PDE4B: variants seen among roughly 807,000 people sequenced by gnomAD.
The protein encoded by PDE4B is 3',5'-cyclic-AMP phosphodiesterase 4B.
PDE4B carries 20 observed loss-of-function variants against 82.2 expected under a neutral mutation model. The ratio of observed to expected loss-of-function variants is 0.24; its 90% CI spans 0.17 to 0.35. PDE4B has a LOEUF of 0.35. PDE4B is among the 10% of genes least tolerant of loss of function. The probability of loss-of-function intolerance (pLI) is 1.00; values close to 1 mark genes in which losing one functional copy is unlikely to be tolerated. For missense variants in PDE4B, 655 were observed against 907.2 expected (o/e 0.72, Z 3.57); for synonymous variants, 320 against 318.9 (o/e 1.00, Z -0.04).
intron 3 of PDE4B, among the ~76,000 whole-genome samples, chr1:66,190,564 C>A (rs961870577): frequency 7.2e-5 from 11 of 152,194 alleles, no homozygotes; most frequent in Non-Finnish European, 1.0e-4. Context: ...TCGCTGCCTG[C>A]AACCTTGCAG....
chr1:66,371,033 TCATA>T (rs1406628133), intron 16 of PDE4B, among the ~76,000 whole-genome samples: 1 of 140,062 alleles, frequency 7.1e-6, no homozygotes. Context: ...TATATATATA[TCATA>T]CATATATATA....
chr1:66,196,492 T>C (rs1648306845), intron 3 of PDE4B, among the ~76,000 whole-genome samples: 1 of 152,212 alleles, frequency 6.6e-6, no homozygotes, highest in Non-Finnish European at 1.5e-5. Context: ...AGCACATCTC[T>C]GTAGAGAAAA....
chr1:65,822,064 C>T (rs1394974735), intron 1 of PDE4B, among the ~76,000 whole-genome samples: 1 of 152,112 alleles, frequency 6.6e-6, no homozygotes, highest in African/African-American at 2.4e-5. Flanking sequence ...ATTTATTTTT[C>T]CCTTAGATTT....
chr1:66,189,204 C>G (rs1647495788), intron 3 of PDE4B, among the ~76,000 whole-genome samples: 1 of 152,092 alleles, frequency 6.6e-6, no homozygotes, highest in Admixed American at 6.6e-5. Context: ...AAGAGATCAG[C>G]TGTTAGTCTG....
At chr1:66,076,636 G>T (rs1014486929) in intron 3 of PDE4B, among the ~76,000 whole-genome samples, 1 of 152,164 alleles carries the variant, frequency 6.6e-6, no homozygotes, top group Non-Finnish European at 1.5e-5. Context: ...CACCATCTGT[G>T]TATGAGTTCC....
At chr1:66,125,559 A>C (rs1645805849) in intron 3 of PDE4B, among the ~76,000 whole-genome samples, 1 of 152,172 alleles carries the variant, frequency 6.6e-6, no homozygotes, top group Non-Finnish European at 1.5e-5. Context: ...TTTATTTAGA[A>C]ATTTGGTGAT....
chr1:66,004,254 AT>A (rs1652026778), intron 3 of PDE4B, among the ~76,000 whole-genome samples: 1 of 152,152 alleles, frequency 6.6e-6, no homozygotes, highest in Non-Finnish European at 1.5e-5. Context: ...TTTGTGTAAA[AT>A]TTATATAATA....
At chr1:65,871,800 A>C (rs552018360) in intron 1 of PDE4B, among the ~76,000 whole-genome samples, 1 of 152,330 alleles carries the variant, frequency 6.6e-6, no homozygotes, top group Admixed American at 6.5e-5. Context: ...AAATCATGTA[A>C]TAATGCTTGC....
At chr1:65,955,967 G>A (rs753552076) in intron 3 of PDE4B, among the ~76,000 whole-genome samples, 46 of 152,112 alleles carry the variant, frequency 3.0e-4, no homozygotes, top group Non-Finnish European at 5.0e-4. Context: ...AGCATATTAA[G>A]CAATAAGTAT....
chr1:65,840,075 G>C (rs964116408), intron 1 of PDE4B, among the ~76,000 whole-genome samples: 4 of 152,088 alleles, frequency 2.6e-5, no homozygotes, highest in African/African-American at 9.7e-5. Context: ...ACCACATGAG[G>C]ATAAAAAAGA....
intron 7 of PDE4B, among the ~76,000 whole-genome samples, chr1:66,303,161 A>G (rs1658021938): frequency 6.6e-6 from 1 of 152,148 alleles, no homozygotes; most frequent in Non-Finnish European, 1.5e-5. Context: ...CCCTGGATAA[A>G]CATTTCTTGA....
At chr1:66,069,274 G>A (rs557845597) in intron 3 of PDE4B, among the ~76,000 whole-genome samples, 2 of 151,992 alleles carry the variant, frequency 1.3e-5, no homozygotes, top group South Asian at 4.2e-4. Context: ...GTCTTTCTCT[G>A]AGCATCCTCT....
chr1:66,296,751 A>G (rs938708311), intron 7 of PDE4B, among the ~76,000 whole-genome samples: 2 of 152,178 alleles, frequency 1.3e-5, no homozygotes, highest in Non-Finnish European at 2.9e-5. Context: ...TATTTTGTAC[A>G]TAATAGACCA....
At chr1:66,023,823 G>A (rs1653282186) in intron 3 of PDE4B, among the ~76,000 whole-genome samples, 1 of 152,002 alleles carries the variant, frequency 6.6e-6, no homozygotes, top group African/African-American at 2.4e-5. Flanking sequence ...AGGAATAAAG[G>A]ATCTGTGTTG....
At chr1:66,309,613 C>T (rs887984860) in intron 7 of PDE4B, among the ~76,000 whole-genome samples, 1 of 152,142 alleles carries the variant, frequency 6.6e-6, no homozygotes, top group African/African-American at 2.4e-5. Flanking sequence ...AATAAGTTTG[C>T]CTTTGGAATC....
At chr1:65,871,276 C>CA (rs1163706372) in intron 1 of PDE4B, among the ~76,000 whole-genome samples, 1 of 113,028 alleles carries the variant, frequency 8.8e-6, no homozygotes, top group Non-Finnish European at 1.8e-5. Flanking sequence ...GCAGGGCTTG[C>CA]AAGTGAGAGT....
chr1:66,313,845 C>T (rs1006844225), intron 7 of PDE4B, among the ~76,000 whole-genome samples: 1 of 152,142 alleles, frequency 6.6e-6, no homozygotes, highest in African/African-American at 2.4e-5. Context: ...TAATCCTTCG[C>T]AGCAATCCAT....
intron 1 of PDE4B, among the ~76,000 whole-genome samples, chr1:65,850,213 C>T (rs1269307883): frequency 6.7e-6 from 1 of 149,798 alleles, no homozygotes; most frequent in Non-Finnish European, 1.5e-5. Context: ...TCTCCTGCCT[C>T]AGCCTCCCAA....
rs1399531757 is a variant in PDE4B, at chr1:66,372,971, A to G, written c.*293A>G. On this transcript the variant is annotated 3_prime_UTR_variant, in exon 17 of 17. Coordinates refer to ENST00000341517, the MANE Select transcript of PDE4B (RefSeq NM_002600.4). The stretch of plus-strand genomic sequence containing the variant: ...ATGGAAGACACAAAACTGAGAGATC[A>G]TTCTGCACTAAGTTTCGGGAACTTA... The G allele has an allele frequency of 3.2e-6, 1 of 309,108 alleles. No individual in the cohort carries two copies. The highest frequency in any genetic ancestry group is 2.1e-5 in the African/African-American group (1 of 48,052). The allele number at this position is 309,108 out of a possible 1,614,324, so 19.1% of individuals were successfully genotyped here.
Sources: gnomAD v4.1 joint callset for allele counts (sites outside exome capture counted in the v4.1 genomes callset) on GRCh38, gnomAD v4.1.1 for gene constraint, MANE v1.5 for transcripts, NCBI Gene and HGNC (gene_info 2026-07-23, HGNC 2026-07-21) for gene names.